The following NFIA variants were observed in gnomAD, a reference collection of about 807,000 sequenced individuals.
NFIA encodes the protein nuclear factor I A.
In NFIA, 8 loss-of-function variants were observed where a neutral mutation model predicts 62.8. The observed-to-expected ratio is 0.13, with a 90% CI of 0.07 to 0.23. The LOEUF (loss-of-function observed/expected upper bound fraction) is 0.23, where lower values mean the gene tolerates loss of function less well. Ranked by LOEUF, NFIA falls within the 10% of genes least tolerant of loss-of-function variation. NFIA has a pLI of 1.00. For synonymous variants in NFIA, 235 were observed against 238.1 expected, an observed-to-expected ratio of 0.99 and a Z score of 0.12; for missense variants, 410 against 642.1, an observed-to-expected ratio of 0.64 and a Z score of 3.91.
intron 2 of NFIA, among the ~76,000 whole-genome samples, chr1:61,212,092 A>G (rs771645311): frequency 6.6e-5 from 10 of 152,158 alleles, no homozygotes; most frequent in Non-Finnish European, 1.2e-4. Flanking sequence ...TGCAGCAGAA[A>G]GGGGTTGTTT....
chr1:61,447,587 AATAG>A (rs1276907708), intron 10 of NFIA, among the ~76,000 whole-genome samples: 11 of 152,134 alleles, frequency 7.2e-5, no homozygotes, highest in African/African-American at 2.4e-4. Context: ...ATCATGACCA[AATAG>A]ATAGGAACTC....
chr1:61,172,173 G>T (rs767493895), intron 2 of NFIA, among the ~76,000 whole-genome samples: 33 of 152,182 alleles, frequency 2.2e-4, no homozygotes, highest in Non-Finnish European at 3.8e-4. Context: ...GTATTTGGCA[G>T]TGAATTTCTG....
chr1:61,354,959 T>C (rs1476942234), intron 5 of NFIA, among the ~76,000 whole-genome samples: 1 of 152,020 alleles, frequency 6.6e-6, no homozygotes, highest in Non-Finnish European at 1.5e-5. Flanking sequence ...TACAATCTAG[T>C]GGTAGAGACT....
intron 3 of NFIA, among the ~76,000 whole-genome samples, chr1:61,283,099 T>A (rs1658237754): frequency 6.6e-6 from 1 of 152,222 alleles, no homozygotes; most frequent in Non-Finnish European, 1.5e-5. Flanking sequence ...CCATCTTCAT[T>A]TATGTCGTTC....
rs1553168462 is a variant in NFIA at position 61,283,594 on chromosome 1, A to AAGAAAAAAAG, written c.625+6010_625+6011insGAAAAAAAGA. ...GAGACTCTGTCTCAAAAAAAAAAAA[A>AAGAAAAAAAG]AAAAAAAAAAAAAAGATTTATGTGT... On this transcript the variant is annotated intron_variant, in intron 3 of 10. Transcript: ENST00000403491. Among the ~76,000 whole-genome samples the AAGAAAAAAAG allele has an allele frequency of 1.5e-4, 17 of 110,112 alleles. 2 individuals are homozygous for AAGAAAAAAAG. Among genetic ancestry groups the AAGAAAAAAAG allele is most frequent in the East Asian group, 6.1e-4 (2 of 3,290 alleles). The allele number at this position is 110,112 out of a possible 152,430, so 72.2% of individuals were successfully genotyped here.
In NFIA at chr1:61,359,217, C is replaced by A; in HGVS notation, c.889C>A (p.Gln297Lys). The A allele has an allele frequency of 6.2e-7, 1 of 1,612,972 alleles. No individual in the cohort carries two copies. Among genetic ancestry groups the A allele is most frequent in the South Asian group, 1.1e-5 (1 of 91,030 alleles). The change falls in exon 6 of 11, where the codon CAA becomes AAA. Residue 297 changes from glutamine (Q) to lysine (K), a missense_variant. By Grantham distance (53) the Gln-to-Lys change is moderately conservative. Coordinates refer to ENST00000403491, the MANE Select transcript of NFIA (RefSeq NM_001134673.4). Reference sequence around the variant, plus strand: ...TGGTGAGGAGCCATTTTATACAGGCCAAGGGCGCTCCCCAGGAAGTGGCAG... The same window carrying A: ...TGGTGAGGAGCCATTTTATACAGGCAAAGGGCGCTCCCCAGGAAGTGGCAG... Reference protein sequence around the residue: ...SPGEEPFYTGQGRSPGSGSQS... With the variant: ...SPGEEPFYTGKGRSPGSGSQS...
intron 10 of NFIA, among the ~76,000 whole-genome samples, chr1:61,435,494 C>T (rs1667285993): frequency 6.6e-6 from 1 of 152,158 alleles, no homozygotes; most frequent in South Asian, 2.1e-4. Context: ...TCTTCAGCCT[C>T]ATGCTTAGAG....
intron 3 of NFIA, among the ~76,000 whole-genome samples, chr1:61,332,150 T>C (rs1035998915): frequency 5.3e-5 from 8 of 152,238 alleles, no homozygotes; most frequent in African/African-American, 1.9e-4. Context: ...TATGATGGAA[T>C]GCAGCTCTCC....
At chr1:61,367,989 G>A (rs1052620684) in intron 6 of NFIA, among the ~76,000 whole-genome samples, 24 of 152,204 alleles carry the variant, frequency 1.6e-4, no homozygotes, top group African/African-American at 5.5e-4. Context: ...AGGATCAAGC[G>A]CTCAGAAGCA....
At chr1:61,142,415 C>T (rs1647601541) in intron 2 of NFIA, among the ~76,000 whole-genome samples, 1 of 152,034 alleles carries the variant, frequency 6.6e-6, no homozygotes, top group Non-Finnish European at 1.5e-5. Flanking sequence ...TTTTAGATTC[C>T]ACATTTTAAA....
At chr1:61,271,803 A>G (rs546326099) in intron 2 of NFIA, among the ~76,000 whole-genome samples, 2 of 152,368 alleles carry the variant, frequency 1.3e-5, no homozygotes, top group South Asian at 4.1e-4. Flanking sequence ...ATATCTAGAC[A>G]AACACTCAAT....
intron 2 of NFIA, among the ~76,000 whole-genome samples, chr1:61,184,307 C>G (rs1318967940): frequency 6.6e-6 from 1 of 152,206 alleles, no homozygotes; most frequent in East Asian, 1.9e-4. Flanking sequence ...CGGCCGCAGC[C>G]AATCAGCCGG....
At chr1:61,189,667 A>T (rs1043360451) in intron 2 of NFIA, among the ~76,000 whole-genome samples, 2 of 152,116 alleles carry the variant, frequency 1.3e-5, no homozygotes, top group Non-Finnish European at 2.9e-5. Flanking sequence ...TCCATCTCAA[A>T]AAATAAAAAT....
At chr1:61,412,165 A>C (rs1666133416) in intron 9 of NFIA, among the ~76,000 whole-genome samples, 1 of 152,330 alleles carries the variant, frequency 6.6e-6, no homozygotes, top group South Asian at 2.1e-4. Flanking sequence ...CGTCTTCTAC[A>C]TGCCAGCCAG....
chr1:61,109,620 G>A (rs891729502), intron 2 of NFIA, among the ~76,000 whole-genome samples: 7 of 151,546 alleles, frequency 4.6e-5, no homozygotes, highest in Admixed American at 1.3e-4. Flanking sequence ...TCTGTTTATC[G>A]GTTTTATCAG....
At chr1:61,082,276 G>A (rs992172180), upstream of NFIA, 14 of 371,346 alleles carry the variant, frequency 3.8e-5, no homozygotes, top group Admixed American at 5.5e-4. Flanking sequence ...GAGAGAGCCG[G>A]GGAGCGAGCG....
intron 2 of NFIA, among the ~76,000 whole-genome samples, chr1:61,202,730 A>G (rs1652594855): frequency 6.6e-6 from 1 of 152,250 alleles, no homozygotes; most frequent in South Asian, 2.1e-4. Context: ...TTTATAAAAC[A>G]AAAATTTATA....
intron 10 of NFIA, among the ~76,000 whole-genome samples, chr1:61,450,708 G>A (rs1017476214): frequency 6.6e-6 from 1 of 152,140 alleles, no homozygotes; most frequent in African/African-American, 2.4e-5. Flanking sequence ...ACCTCCTTCC[G>A]CAGTGTTAAA....
At chr1:61,252,313 A>C (rs1656095219) in intron 2 of NFIA, among the ~76,000 whole-genome samples, 3 of 152,198 alleles carry the variant, frequency 2.0e-5, no homozygotes. Flanking sequence ...TGTTTTTACC[A>C]GTTGTGTGCT....
Sources: allele counts gnomAD v4.1 joint callset (sites outside exome capture counted in the v4.1 genomes callset), GRCh38; gene constraint gnomAD v4.1.1; transcripts MANE v1.5; gene names NCBI Gene and HGNC (gene_info 2026-07-23, HGNC 2026-07-21).